GALNT13: variants seen among roughly 807,000 people sequenced by gnomAD.
GALNT13 encodes UDP-GalNAc:polypeptide N-acetylgalactosaminyltransferase 13.
In GALNT13, 28 loss-of-function variants were observed where a neutral mutation model predicts 64.2. That is an observed-to-expected ratio of 0.44 (90% CI 0.32 to 0.60). The LOEUF (loss-of-function observed/expected upper bound fraction) is 0.60. Ranked by LOEUF, GALNT13 falls within the 20% of genes least tolerant of loss-of-function variation. The pLI, the probability that GALNT13 is intolerant of heterozygous loss-of-function variation, is 0.05. For synonymous variants in GALNT13, 214 were observed against 224.6 expected, an observed-to-expected ratio of 0.95 and a Z score of 0.42; for missense variants, 577 against 669.8, an observed-to-expected ratio of 0.86 and a Z score of 1.53.
intron 4 of GALNT13, among the ~76,000 whole-genome samples, chr2:154,206,959 G>T (rs187755397): frequency 6.6e-6 from 1 of 152,144 alleles, no homozygotes; most frequent in East Asian, 1.9e-4. Flanking sequence ...CCCTGTTCTA[G>T]AGCTTTACTA....
the GALNT13 span, among the ~76,000 whole-genome samples, chr2:153,265,318 T>C: frequency 1.3e-5 from 2 of 152,184 alleles, no homozygotes; most frequent in South Asian, 2.1e-4. Flanking sequence ...CTTTATCTCA[T>C]GGTCGTGTGG....
chr2:153,884,803 A>ATGTGTGTGTGTGTGTGTG (rs764301374), intron 1 of GALNT13, among the ~76,000 whole-genome samples: 2 of 132,832 alleles, frequency 1.5e-5, no homozygotes, highest in African/African-American at 3.1e-5. Flanking sequence ...GTATATATAT[A>ATGTGTGTGTGTGTGTGTG]TATGTGTGTG....
rs150008937 is a variant in GALNT13 at position 154,245,794 on chromosome 2, G to C, written c.687-18G>C. 5.2e-5 allele frequency: 80 copies of C among 1,550,180 alleles called. No individual in the cohort carries two copies. The African/African-American group carries it at 8.5e-4, about 17-fold the overall frequency. ...TTAATTATCATGTGTCTATAAATTG[G>C]TTTTAATTTCTCTGCAGGAAAACGG... On this transcript the variant is annotated intron_variant, in intron 6 of 12. Coordinates refer to ENST00000392825, the MANE Select transcript of GALNT13 (RefSeq NM_052917.4).
the GALNT13 span, among the ~76,000 whole-genome samples, chr2:153,181,220 C>G: frequency 2.0e-5 from 3 of 151,094 alleles, no homozygotes; most frequent in Non-Finnish European, 1.5e-5. Flanking sequence ...TCATTTGTCT[C>G]AAGATATTTT....
chr2:153,315,942 C>T, the GALNT13 span, among the ~76,000 whole-genome samples: 3,388 of 141,052 alleles, frequency 0.024, 117 homozygotes, highest in African/African-American at 0.086. Context: ...TAATATACTC[C>T]TAAAACTCAG....
intron 8 of GALNT13, among the ~76,000 whole-genome samples, chr2:154,290,324 G>C (rs1322410810): frequency 6.6e-6 from 1 of 152,220 alleles, no homozygotes; most frequent in South Asian, 2.1e-4. Context: ...TTTAATGAGA[G>C]ATTGCAGAAA....
the GALNT13 span, among the ~76,000 whole-genome samples, chr2:153,432,867 A>C: frequency 6.6e-6 from 1 of 152,208 alleles, no homozygotes; most frequent in Admixed American, 6.5e-5. Context: ...ATAAATGTCC[A>C]TCAAACAGAA....
chr2:153,626,636 T>A, the GALNT13 span, among the ~76,000 whole-genome samples: 1 of 152,222 alleles, frequency 6.6e-6, no homozygotes, highest in South Asian at 2.1e-4. Flanking sequence ...TTAAATACTG[T>A]ATAGTTTAGC....
At chr2:153,457,687 T>C in the GALNT13 span, among the ~76,000 whole-genome samples, 1 of 152,234 alleles carries the variant, frequency 6.6e-6, no homozygotes, top group Non-Finnish European at 1.5e-5. Flanking sequence ...GATTTCAACC[T>C]AGTTGTGTGT....
the GALNT13 span, among the ~76,000 whole-genome samples, chr2:153,083,157 C>G: frequency 6.6e-6 from 1 of 152,130 alleles, no homozygotes; most frequent in African/African-American, 2.4e-5. Flanking sequence ...GCAAATTGTG[C>G]TGCTATAAAC....
At chr2:154,413,271 T>A (rs938370333) in intron 11 of GALNT13, among the ~76,000 whole-genome samples, 1 of 151,866 alleles carries the variant, frequency 6.6e-6, no homozygotes, top group African/African-American at 2.4e-5. Context: ...AAACCTAACA[T>A]AGAAACATAC....
chr2:153,745,960 C>T, the GALNT13 span, among the ~76,000 whole-genome samples: 1 of 152,300 alleles, frequency 6.6e-6, no homozygotes, highest in East Asian at 1.9e-4. Context: ...AAACCTGAAA[C>T]TGCTACTTAT....
the GALNT13 span, among the ~76,000 whole-genome samples, chr2:153,573,809 C>T: frequency 6.6e-6 from 1 of 151,982 alleles, no homozygotes. Context: ...CTTGAAAAGT[C>T]ATTGTAGTTA....
chr2:153,586,309 C>A, the GALNT13 span, among the ~76,000 whole-genome samples: 1 of 152,076 alleles, frequency 6.6e-6, no homozygotes, highest in South Asian at 2.1e-4. Context: ...AGAAACTGAT[C>A]TTGTCTATAA....
At chr2:153,814,183 G>A in the GALNT13 span, among the ~76,000 whole-genome samples, 1 of 152,200 alleles carries the variant, frequency 6.6e-6, no homozygotes, top group Non-Finnish European at 1.5e-5. Flanking sequence ...GCTCACGCCT[G>A]TAATCCCAGC....
the GALNT13 span, among the ~76,000 whole-genome samples, chr2:153,732,880 A>G: frequency 6.6e-6 from 1 of 152,116 alleles, no homozygotes; most frequent in Non-Finnish European, 1.5e-5. Context: ...ATTTGTTAGT[A>G]GGAACTTATA....
chr2:153,538,372 T>TTTTA, the GALNT13 span, among the ~76,000 whole-genome samples: 1 of 40,884 alleles, frequency 2.4e-5, no homozygotes, highest in Admixed American at 3.6e-4. Flanking sequence ...ATTTTATTTA[T>TTTTA]TTTATTTTAT....
the GALNT13 span, among the ~76,000 whole-genome samples, chr2:153,672,607 T>C: frequency 2.0e-5 from 3 of 151,974 alleles, no homozygotes; most frequent in African/African-American, 7.3e-5. Context: ...GCAGGAAAGA[T>C]CTAAAATCAG....
At chr2:153,468,500 A>G in the GALNT13 span, among the ~76,000 whole-genome samples, 1 of 152,266 alleles carries the variant, frequency 6.6e-6, no homozygotes, top group African/African-American at 2.4e-5. Flanking sequence ...AAATGTTTAC[A>G]GAAAATGTAA....
Sources: allele counts gnomAD v4.1 joint callset (sites outside exome capture counted in the v4.1 genomes callset), GRCh38; gene constraint gnomAD v4.1.1; transcripts MANE v1.5; gene names NCBI Gene and HGNC (gene_info 2026-07-23, HGNC 2026-07-21).